Variants in TLN2 observed in about 807,000 individuals in gnomAD.
TLN2 encodes the protein talin-2.
Under a neutral mutation model 294.7 loss-of-function variants are expected in TLN2, and 118 were observed. That is an observed-to-expected ratio of 0.40 (90% CI 0.34 to 0.47). The LOEUF (loss-of-function observed/expected upper bound fraction) is 0.47. Among genes scored for constraint, TLN2 ranks in the 20% least tolerant of loss-of-function variants. The probability of loss-of-function intolerance (pLI) is 0.84; values close to 1 mark genes in which losing one functional copy is unlikely to be tolerated. For synonymous variants in TLN2, 1,431 were observed against 1,304.5 expected, an observed-to-expected ratio of 1.10 and a Z score of -2.09; for missense variants, 3,083 against 3,282.2, an observed-to-expected ratio of 0.94 and a Z score of 1.48.
chr15:62,831,658 T>A (rs1393061956), intron 54 of TLN2: 1 of 152,182 alleles, frequency 6.6e-6, no homozygotes. Flanking sequence ...TCCTGAATAC[T>A]CTTAGAGCAA....
intron 1 of TLN2, among the ~76,000 whole-genome samples, chr15:62,481,285 C>T (rs558819390): frequency 6.6e-6 from 1 of 151,762 alleles, no homozygotes; most frequent in Non-Finnish European, 1.5e-5. Context: ...TTAATGTTAA[C>T]CACATTTGCT....
At chr15:62,529,008 G>A (rs181398357) in intron 1 of TLN2, among the ~76,000 whole-genome samples, 1 of 152,064 alleles carries the variant, frequency 6.6e-6, no homozygotes, top group Admixed American at 6.5e-5. Flanking sequence ...ATACTTTAAT[G>A]GAGTCTCTTC....
At chr15:62,739,324 G>A in intron 30 of TLN2, 24 bp from the exon 31 acceptor site, 1 of 1,604,688 alleles carries the variant, frequency 6.2e-7, no homozygotes, top group Non-Finnish European at 8.5e-7. Flanking sequence ...ATGTCTCATG[G>A]GGTGTGCCGT....
At chr15:62,821,326 G>A (rs1352851731) in intron 54 of TLN2, among the ~76,000 whole-genome samples, 3 of 152,152 alleles carry the variant, frequency 2.0e-5, no homozygotes, top group South Asian at 2.1e-4. Flanking sequence ...AACCAGAGGC[G>A]GCCTGTTTTT....
chr15:62,612,976 G>T (rs1277514604), intron 2 of TLN2, among the ~76,000 whole-genome samples: 1 of 152,202 alleles, frequency 6.6e-6, no homozygotes, highest in Non-Finnish European at 1.5e-5. Flanking sequence ...AAAACAAACA[G>T]CATTTAGGAA....
At chr15:62,717,031 G>A (rs888166947) in intron 23 of TLN2, among the ~76,000 whole-genome samples, 4 of 151,978 alleles carry the variant, frequency 2.6e-5, no homozygotes, top group Non-Finnish European at 4.4e-5. Flanking sequence ...ACCTTTGCCT[G>A]TGTACTGAGA....
chr15:62,444,294 G>A (rs562315849), intron 1 of TLN2, among the ~76,000 whole-genome samples: 58 of 152,210 alleles, frequency 3.8e-4, no homozygotes, highest in Non-Finnish European at 7.5e-4. Context: ...GGTCTCCATG[G>A]AGGTGACAAA....
chr15:62,781,011 T>C (rs2064118019), intron 43 of TLN2, 129 bp from the exon 44 acceptor site: 2 of 663,334 alleles, frequency 3.0e-6, no homozygotes, highest in Admixed American at 2.7e-5. Context: ...AGTTGGGTAA[T>C]TGAGTTGACA....
intron 7 of TLN2, 152 bp downstream of exon 7, chr15:62,653,466 C>T (rs1298332116): frequency 9.9e-7 from 1 of 1,005,978 alleles, no homozygotes; most frequent in East Asian, 2.9e-5. Flanking sequence ...TGGCTCACTT[C>T]TATAATCCCA....
At chr15:62,538,653 G>A (rs150711411) in intron 1 of TLN2, among the ~76,000 whole-genome samples, 55 of 152,246 alleles carry the variant, frequency 3.6e-4, no homozygotes, top group African/African-American at 1.3e-3. Context: ...AGGATTTAAT[G>A]TGCAGTTTCT....
chr15:62,420,785 A>G (rs958150784), intron 1 of TLN2, among the ~76,000 whole-genome samples: 1 of 152,180 alleles, frequency 6.6e-6, no homozygotes, highest in Non-Finnish European at 1.5e-5. Flanking sequence ...AACAAACTTT[A>G]CTGTGGGTCT....
At chr15:62,530,040 A>C (rs2040958927) in intron 1 of TLN2, among the ~76,000 whole-genome samples, 1 of 152,114 alleles carries the variant, frequency 6.6e-6, no homozygotes, top group Admixed American at 6.5e-5. Flanking sequence ...AAAATACAAA[A>C]ATTAGCCGGG....
At chr15:62,451,131 A>C (rs2036119410) in intron 1 of TLN2, among the ~76,000 whole-genome samples, 1 of 152,020 alleles carries the variant, frequency 6.6e-6, no homozygotes, top group Non-Finnish European at 1.5e-5. Flanking sequence ...TTCTTGCTAA[A>C]TTTGAAGATT....
chr15:62,399,920 A>G (rs2032892303), intron 1 of TLN2, among the ~76,000 whole-genome samples: 1 of 152,178 alleles, frequency 6.6e-6, no homozygotes, highest in Non-Finnish European at 1.5e-5. Context: ...ACTGTTGGAA[A>G]GGCATGATTA....
intron 11 of TLN2, among the ~76,000 whole-genome samples, chr15:62,685,111 C>T (rs55723911): frequency 0.46 from 70,281 of 151,670 alleles, 18,554 homozygotes; most frequent in Middle Eastern, 0.63. Flanking sequence ...AAAAATAATA[C>T]AAAACACATG....
intron 1 of TLN2, among the ~76,000 whole-genome samples, chr15:62,411,429 A>ATGTGTGTGTGTGTGTGTGTG (rs71125998): frequency 7.3e-6 from 1 of 136,598 alleles, no homozygotes; most frequent in Non-Finnish European, 1.6e-5. Flanking sequence ...TGAGTAATGG[A>ATGTGTGTGTGTGTGTGTGTG]TGTGTGTGTG....
chr15:62,435,686 C>T (rs145522617), intron 1 of TLN2, among the ~76,000 whole-genome samples: 28 of 152,232 alleles, frequency 1.8e-4, no homozygotes, highest in African/African-American at 3.9e-4. Flanking sequence ...GGATTACAGG[C>T]GCCTACCACC....
In TLN2 at chr15:62,437,531, C is replaced by A. The variant is rs540606008; in HGVS notation, c.-238+46846C>A. Among the ~76,000 whole-genome samples the A allele has an allele frequency of 1.2e-4, 18 of 152,162 alleles. No homozygotes were observed. In the South Asian group the frequency reaches 1.9e-3, roughly 16 times the overall value. The stretch of plus-strand genomic sequence containing the variant: ...AAGATTATAGGTGTGAGACATGACA[C>A]CTGGCTGAAAGGTGCTATTTCATCC... On this transcript the variant is annotated intron_variant, in intron 1 of 58. Transcript: ENST00000636159.
At chr15:62,440,554 G>A (rs765103384) in intron 1 of TLN2, among the ~76,000 whole-genome samples, 4 of 152,164 alleles carry the variant, frequency 2.6e-5, no homozygotes, top group Non-Finnish European at 4.4e-5. Flanking sequence ...ACGTCAGGGA[G>A]GACGGTGCTG....
Sources: gnomAD v4.1 joint callset for allele counts (sites outside exome capture counted in the v4.1 genomes callset) on GRCh38, gnomAD v4.1.1 for gene constraint, MANE v1.5 for transcripts, NCBI Gene and HGNC (gene_info 2026-07-23, HGNC 2026-07-21) for gene names.